Variants in CHD1L observed in about 807,000 individuals in gnomAD.
The protein encoded by CHD1L is ATP-dependent chromatin remodeler CHD1L.
Under a neutral mutation model 115.9 loss-of-function variants are expected in CHD1L, and 118 were observed. The ratio of observed to expected loss-of-function variants is 1.02; its 90% confidence interval spans 0.88 to 1.19. The LOEUF is 1.19. CHD1L is among the 50% of genes most tolerant of loss of function. The pLI is 0.00. For synonymous variants in CHD1L, 411 were observed against 387.1 expected, an observed-to-expected ratio of 1.06 and a Z score of -0.72; for missense variants, 1,179 against 1,065.3, an observed-to-expected ratio of 1.11 and a Z score of -1.49.
At chr1:147,231,701 A>G in the CHD1L span, among the ~76,000 whole-genome samples, 1 of 152,066 alleles carries the variant, frequency 6.6e-6, no homozygotes, top group Non-Finnish European at 1.5e-5. Flanking sequence ...TGTATCAGTG[A>G]GACTCTGTGG....
chr1:147,274,912 T>C (rs1677737089), intron 12 of CHD1L, among the ~76,000 whole-genome samples: 1 of 152,166 alleles, frequency 6.6e-6, no homozygotes, highest in Non-Finnish European at 1.5e-5. Flanking sequence ...TGCTACCTAG[T>C]TGTAACTTGC....
intron 1 of CHD1L, among the ~76,000 whole-genome samples, chr1:147,243,203 C>A (rs1257656951): frequency 6.6e-6 from 1 of 152,052 alleles, no homozygotes; most frequent in African/African-American, 2.4e-5. Flanking sequence ...GGGTTTGGGT[C>A]CCGGCCTGGG....
rs3737844 is a variant in CHD1L at position 147,252,666 on chromosome 1, C to T, written c.171C>T (p.Leu57=). The T allele has an allele frequency of 1.0e-4, 161 of 1,614,114 alleles. No individual in the cohort carries two copies. In the East Asian group the frequency reaches 2.7e-3, roughly 27 times the overall value. Residue 57 remains leucine (L), a synonymous_variant, in exon 2 of 23, where the codon CTC becomes CTT. Coordinates refer to ENST00000369258, the MANE Select transcript of CHD1L (RefSeq NM_004284.6). ...RSYQLEGVNW[L]AQRFHCQNGC... ...ACCAGCTGGAGGGAGTAAACTGGCT[C>T]GCCCAGCGCTTCCATTGTCAGAATG... is the stretch of plus-strand genomic sequence containing the variant.
In CHD1L at chr1:147,286,491, C is replaced by T. The variant is rs148675923; in HGVS notation, c.2212C>T (p.His738Tyr). Residue 738 changes from histidine to tyrosine, a missense_variant, in exon 18 of 23, where the codon CAC becomes TAC. By Grantham distance (83) the His-to-Tyr change is moderately conservative (BLOSUM62 2). Transcript: ENST00000369258. ...QAGAEDALIV[H>Y]CVDDSGHWGR... The stretch of plus-strand genomic sequence containing the variant: ...TGGGGCCGAGGATGCTCTCATTGTG[C>T]ACTGCGTAGGTACGAGAAGTGGTAT... 5.8e-5 allele frequency: 94 copies of T among 1,613,582 alleles called. No homozygotes were observed. The African/African-American group carries it at 1.1e-3, about 20-fold the overall frequency.
At chr1:147,204,706 A>G in the CHD1L span, 1 of 1,534,134 alleles carries the variant, frequency 6.5e-7, no homozygotes, top group South Asian at 1.1e-5. Flanking sequence ...CTGTACTTCT[A>G]GTTCTCTTAA....
chr1:147,225,441 C>A, the CHD1L span: 987 of 166,756 alleles, frequency 5.9e-3, 4 homozygotes, highest in Middle Eastern at 9.3e-3. Flanking sequence ...GGGACCACTC[C>A]CCCGCCCACT....
intron 3 of CHD1L, among the ~76,000 whole-genome samples, chr1:147,255,490 G>C (rs1008158799): frequency 6.6e-6 from 1 of 152,188 alleles, no homozygotes; most frequent in Non-Finnish European, 1.5e-5. Context: ...GCTTCCCAAA[G>C]TGCTGGGATT....
At chr1:147,293,790 G>A in intron 21 of CHD1L, 68 bp downstream of exon 21, 6 of 1,309,802 alleles carry the variant, frequency 4.6e-6, no homozygotes, top group Non-Finnish European at 5.5e-6. Flanking sequence ...GACTTTTGAA[G>A]GGAGGTAAGA....
At chr1:147,218,387 C>T in the CHD1L span, among the ~76,000 whole-genome samples, 42 of 151,056 alleles carry the variant, frequency 2.8e-4, no homozygotes, top group African/African-American at 8.8e-4. Flanking sequence ...AGGCACGCGC[C>T]ACTATGCCTG....
At chr1:147,263,756 T>A (rs1376313441) in intron 6 of CHD1L, among the ~76,000 whole-genome samples, 1 of 147,394 alleles carries the variant, frequency 6.8e-6, no homozygotes, top group Non-Finnish European at 1.5e-5. Context: ...ATTTAAGGAC[T>A]TTTTTTTTCC....
At chr1:147,295,398 A>G (rs1553976084) in intron 22 of CHD1L, 33 bp from the exon 23 acceptor site, 1 of 1,479,186 alleles carries the variant, frequency 6.8e-7, no homozygotes, top group African/African-American at 1.4e-5. Flanking sequence ...GTTTAAAGTG[A>G]TGACATGTAT....
the CHD1L span, among the ~76,000 whole-genome samples, chr1:147,235,087 C>CTGTGTGTG: frequency 0.095 from 13,858 of 146,032 alleles, 745 homozygotes; most frequent in South Asian, 0.17. Flanking sequence ...ATATCCCACA[C>CTGTGTGTG]TGTGTGTGTG....
the CHD1L span, chr1:147,179,036 G>A: frequency 6.2e-7 from 1 of 1,613,780 alleles, no homozygotes. Context: ...AAAACCTTTA[G>A]CCATGAACTT....
intron 5 of CHD1L, among the ~76,000 whole-genome samples, chr1:147,257,127 A>G (rs1420976450): frequency 1.3e-5 from 2 of 152,250 alleles, no homozygotes; most frequent in Admixed American, 6.5e-5. Context: ...TCATGTCAAG[A>G]TAACAGTTAC....
At chr1:147,224,231 T>C in the CHD1L span, 14 of 257,616 alleles carry the variant, frequency 5.4e-5, no homozygotes, top group Non-Finnish European at 9.3e-5. Context: ...ACCAATTACA[T>C]GGACAGATAT....
chr1:147,218,085 C>T, the CHD1L span, among the ~76,000 whole-genome samples: 1 of 152,156 alleles, frequency 6.6e-6, no homozygotes, highest in Admixed American at 6.5e-5. Context: ...ATATATGTAT[C>T]TCCCAAAATT....
the CHD1L span, chr1:147,209,893 C>T: frequency 1.3e-5 from 2 of 152,178 alleles, no homozygotes; most frequent in African/African-American, 4.8e-5. Flanking sequence ...ATTACAAAAA[C>T]CCCTGCTATT....
At chr1:147,193,214 A>G in the CHD1L span, among the ~76,000 whole-genome samples, 2 of 152,256 alleles carry the variant, frequency 1.3e-5, no homozygotes, top group Admixed American at 1.3e-4. Context: ...TCAGAGATTC[A>G]GCTTCTTCCT....
chr1:147,178,097 C>G, the CHD1L span: 1 of 1,526,128 alleles, frequency 6.6e-7, no homozygotes, highest in South Asian at 1.2e-5. Flanking sequence ...CGGCTGCCCC[C>G]ACCCCACCTC....
Sources: gnomAD v4.1 joint callset for allele counts (sites outside exome capture counted in the v4.1 genomes callset) on GRCh38, gnomAD v4.1.1 for gene constraint, MANE v1.5 for transcripts, NCBI Gene and HGNC (gene_info 2026-07-23, HGNC 2026-07-21) for gene names.